SENP7: variants seen among roughly 807,000 people sequenced by gnomAD.
SENP7 encodes the protein SUMO specific peptidase 7.
A neutral mutation model predicts 141.2 loss-of-function variants in SENP7; 64 were observed. The ratio of observed to expected loss-of-function variants is 0.45; its 90% CI spans 0.37 to 0.56. The LOEUF is 0.56. SENP7 is among the 20% of genes least tolerant of loss of function. The probability of loss-of-function intolerance (pLI) is 0.00; values close to 1 mark genes in which losing one functional copy is unlikely to be tolerated. For synonymous variants in SENP7, 382 were observed against 426.4 expected (o/e 0.90, Z 1.28); for missense variants, 1,025 against 1,212.2 (o/e 0.85, Z 2.29).
At chr3:101,486,935 C>T (rs140740380) in intron 3 of SENP7, among the ~76,000 whole-genome samples, 110 of 152,204 alleles carry the variant, frequency 7.2e-4, no homozygotes, top group South Asian at 2.1e-3. Context: ...GCATTTCATG[C>T]AAATGGACAC....
chr3:101,333,470 G>T (rs1002447201), intron 17 of SENP7, among the ~76,000 whole-genome samples: 5 of 152,130 alleles, frequency 3.3e-5, no homozygotes, highest in Non-Finnish European at 7.4e-5. Context: ...GGAGTTTGAG[G>T]CTGTGATCAC....
At chr3:101,463,370 T>TATATATATATATAC (rs2063623163) in intron 3 of SENP7, among the ~76,000 whole-genome samples, 3 of 83,670 alleles carry the variant, frequency 3.6e-5, no homozygotes, top group African/African-American at 1.6e-4. Context: ...AATAAATATA[T>TATATATATATATAC]ATATATATAT....
intron 6 of SENP7, among the ~76,000 whole-genome samples, chr3:101,394,408 T>TA (rs558420405): frequency 3.7e-4 from 56 of 152,338 alleles, no homozygotes; most frequent in Non-Finnish European, 7.2e-4. Flanking sequence ...AAAAACATGG[T>TA]AGGTGCATGT....
chr3:101,506,019 A>ATTTTTTTTTTT (rs143265103), intron 1 of SENP7, among the ~76,000 whole-genome samples: 1 of 142,126 alleles, frequency 7.0e-6, no homozygotes, highest in Non-Finnish European at 1.5e-5. Flanking sequence ...TTTATTCCAT[A>ATTTTTTTTTTT]ATTTTTTTTT....
At chr3:101,342,643 T>C (rs573926122) in intron 14 of SENP7, among the ~76,000 whole-genome samples, 24 of 152,160 alleles carry the variant, frequency 1.6e-4, no homozygotes, top group African/African-American at 5.8e-4. Flanking sequence ...TACAATTCCT[T>C]AGTCTTTCCT....
chr3:101,393,583 T>C (rs1211545688), intron 6 of SENP7, among the ~76,000 whole-genome samples: 1 of 152,172 alleles, frequency 6.6e-6, no homozygotes, highest in Non-Finnish European at 1.5e-5. Context: ...AATAGACATA[T>C]GAAAAAATGC....
intron 5 of SENP7, among the ~76,000 whole-genome samples, chr3:101,411,028 T>C (rs2061443611): frequency 6.6e-6 from 1 of 152,094 alleles, no homozygotes; most frequent in East Asian, 1.9e-4. Flanking sequence ...TAGACCAACA[T>C]AGGTTTGGAT....
chr3:101,348,217 T>C (rs1169991552), intron 12 of SENP7, among the ~76,000 whole-genome samples, 166 bp from the exon 13 acceptor site: 2 of 152,176 alleles, frequency 1.3e-5, no homozygotes, highest in African/African-American at 4.8e-5. Flanking sequence ...TTAGCTAAAA[T>C]GCCCCCAGCA....
chr3:101,339,647 G>A (rs996499028), intron 16 of SENP7, among the ~76,000 whole-genome samples: 1 of 151,998 alleles, frequency 6.6e-6, no homozygotes, highest in African/African-American at 2.4e-5. Flanking sequence ...GAACCCAGGA[G>A]GCAGAGGTTG....
rs183391103 is a variant in SENP7 at position 101,402,385 on chromosome 3, C to T, written c.483-3330G>A. 2.8e-4 allele frequency among the ~76,000 whole-genome samples: 43 copies of T among 151,944 alleles called. 1 individual carries two copies. The highest frequency in any genetic ancestry group is 7.8e-4 in the East Asian group (4 of 5,160). On this transcript the variant is annotated intron_variant, in intron 5 of 23. Transcript: ENST00000394095. ...ATGCCTGTAATCCCAGCACTTTGGGCGGCAGAGGCCGGCGGATAACTTGAG... is the reference window on the plus strand; with the variant it reads ...ATGCCTGTAATCCCAGCACTTTGGGTGGCAGAGGCCGGCGGATAACTTGAG...
chr3:101,343,790 A>G lies in SENP7; in HGVS notation c.2002T>C (p.Ser668Pro), dbSNP rs977335480. 12 of 1,613,836 alleles carry G rather than the reference A, an allele frequency of 7.4e-6. No homozygotes were observed. The African/African-American group carries it at 1.6e-4, about 22-fold the overall frequency. ...VQAFPLFQNL[S>P]SKESSFIHYY... ...TGAATAAAAGAACTTTCTTTTGAAG[A>G]GAGGTTCTGAAACAAAGGAAATGCC... The change falls in exon 14 of 24, where the codon TCT becomes CCT. Residue 668 changes from serine to proline, a missense_variant. Transcript: ENST00000394095.
chr3:101,472,137 C>G (rs989314101), intron 3 of SENP7, among the ~76,000 whole-genome samples: 1 of 152,224 alleles, frequency 6.6e-6, no homozygotes, highest in African/African-American at 2.4e-5. Flanking sequence ...TTTGACTGAG[C>G]AATCCCATTA....
intron 4 of SENP7, among the ~76,000 whole-genome samples, chr3:101,448,876 G>A (rs1318409578): frequency 1.3e-5 from 2 of 152,164 alleles, no homozygotes; most frequent in African/African-American, 2.4e-5. Context: ...GCTGGACAGA[G>A]AATGACTTTG....
At chr3:101,448,937 G>C (rs1416758854) in intron 4 of SENP7, among the ~76,000 whole-genome samples, 1 of 152,112 alleles carries the variant, frequency 6.6e-6, no homozygotes, top group African/African-American at 2.4e-5. Context: ...CGAGCTAAAG[G>C]AGGAAGTTCG....
At chr3:101,414,829 T>A (rs1184755219) in intron 5 of SENP7, among the ~76,000 whole-genome samples, 3 of 152,050 alleles carry the variant, frequency 2.0e-5, no homozygotes, top group Non-Finnish European at 4.4e-5. Flanking sequence ...AAAAAAGTGG[T>A]GTTAAATTGG....
rs2059908360 is a variant in SENP7 at position 101,361,782 on chromosome 3, T to C, written c.1556A>G (p.Gln519Arg). The change falls in exon 11 of 24, where the codon CAA (glutamine) becomes CGA (arginine). Residue 519 changes from glutamine (Q) to arginine (R), a missense_variant. Physicochemically the swap from Gln to Arg is conservative, Grantham distance 43. Coordinates refer to ENST00000394095, the MANE Select transcript of SENP7 (RefSeq NM_020654.5). Reference sequence around the variant, plus strand: ...AACAGAAGTAAATATAAAATCCAGTTGTAGATCCATCTCATTACTAGGCAT... The same window carrying C: ...AACAGAAGTAAATATAAAATCCAGTCGTAGATCCATCTCATTACTAGGCAT... ...SIMPSNEMDLQLDFIFTSVYI... is the reference protein window; with the variant it reads ...SIMPSNEMDLRLDFIFTSVYI... 1 of 1,609,110 alleles carries C rather than the reference T, an allele frequency of 6.2e-7. No individual in the cohort carries two copies. The highest frequency in any genetic ancestry group is 8.5e-7 in the Non-Finnish European group (1 of 1,178,252).
chr3:101,499,850 G>T (rs2065307099), intron 2 of SENP7, among the ~76,000 whole-genome samples: 1 of 151,812 alleles, frequency 6.6e-6, no homozygotes, highest in Non-Finnish European at 1.5e-5. Flanking sequence ...TTGTATTTTT[G>T]TAGAGACGGG....
In SENP7 at chr3:101,499,950, A is replaced by AC. The variant is rs1240812253; in HGVS notation, c.90+1119dup. 2.6e-5 allele frequency among the ~76,000 whole-genome samples: 4 copies of AC among 151,974 alleles called. No individual in the cohort carries two copies. In the South Asian group the frequency reaches 8.3e-4, roughly 32 times the overall value. ...CAAGATTTTTTTTAACCTCCTATTT[A>AC]CCCCACTTAAACTAAATCCAGAGTT... On this transcript the variant is annotated intron_variant, in intron 2 of 23. Transcript: ENST00000394095.
chr3:101,369,334 C>T (rs1269509391), intron 7 of SENP7, among the ~76,000 whole-genome samples: 1 of 152,188 alleles, frequency 6.6e-6, no homozygotes, highest in Non-Finnish European at 1.5e-5. Flanking sequence ...GAACGTTCTT[C>T]AACACCATAC....
Sources: allele counts gnomAD v4.1 joint callset (sites outside exome capture counted in the v4.1 genomes callset), GRCh38; gene constraint gnomAD v4.1.1; transcripts MANE v1.5; gene names NCBI Gene and HGNC (gene_info 2026-07-23, HGNC 2026-07-21).